The following EFCAB14 variants were observed in gnomAD, a reference collection of about 807,000 sequenced individuals.
EFCAB14 encodes EF-hand calcium-binding domain-containing protein 14.
Under a neutral mutation model 56.5 loss-of-function variants are expected in EFCAB14, and 43 were observed. The observed-to-expected ratio is 0.76, with a 90% confidence interval of 0.60 to 0.98. EFCAB14 has a LOEUF of 0.98. EFCAB14 is among the 50% of genes least tolerant of loss of function. The probability of loss-of-function intolerance (pLI) is 0.00; values close to 1 mark genes in which losing one functional copy is unlikely to be tolerated. For missense variants in EFCAB14, 538 were observed against 580.3 expected, an observed-to-expected ratio of 0.93 and a Z score of 0.75; for synonymous variants, 235 against 212.9, an observed-to-expected ratio of 1.10 and a Z score of -0.90.
At chr1:46,695,562 C>A (rs193217598) in intron 4 of EFCAB14, among the ~76,000 whole-genome samples, 1 of 152,306 alleles carries the variant, frequency 6.6e-6, no homozygotes, top group African/African-American at 2.4e-5. Flanking sequence ...AAACTTAGCA[C>A]ATATTTTTAT....
chr1:46,697,809 T>A (rs1346913773), intron 3 of EFCAB14, among the ~76,000 whole-genome samples: 1 of 151,890 alleles, frequency 6.6e-6, no homozygotes, highest in Non-Finnish European at 1.5e-5. Context: ...AGAAATCAGA[T>A]TGTAATAAGT....
chr1:46,684,753 G>A (rs1232620945), intron 8 of EFCAB14, 151 bp from the exon 9 acceptor site: 1 of 631,514 alleles, frequency 1.6e-6, no homozygotes, highest in African/African-American at 1.8e-5. Context: ...ACATATACTG[G>A]TGATGTCTTT....
intron 4 of EFCAB14, among the ~76,000 whole-genome samples, chr1:46,693,527 T>C (rs1378458010): frequency 1.3e-5 from 2 of 152,134 alleles, no homozygotes; most frequent in Non-Finnish European, 2.9e-5. Flanking sequence ...TAAGCTGGTT[T>C]GCTATCTATG....
chr1:46,702,477 T>C (rs1217572433), intron 3 of EFCAB14, among the ~76,000 whole-genome samples: 1 of 152,060 alleles, frequency 6.6e-6, no homozygotes, highest in Non-Finnish European at 1.5e-5. Flanking sequence ...TATTTTACTT[T>C]TAGTATTGCT....
Position 46,687,471 on chromosome 1 carries a change from T to C in EFCAB14, c.988-601A>G, listed in dbSNP as rs1182403496. 8.5e-5 allele frequency among the ~76,000 whole-genome samples: 13 copies of C among 152,324 alleles called. No individual in the cohort carries two copies. In the East Asian group the frequency reaches 2.5e-3, roughly 29 times the overall value. On this transcript the variant is annotated intron_variant, in intron 7 of 10. Transcript: ENST00000371933. Reference sequence around the variant, plus strand: ...CCTTCAAAGCCAAGTCCAGGCAACTTGCCAAGGCTCCACTGTGGCAGAGCC... The same window carrying C: ...CCTTCAAAGCCAAGTCCAGGCAACTCGCCAAGGCTCCACTGTGGCAGAGCC...
At chr1:46,684,380 C>A in intron 9 of EFCAB14, 111 bp downstream of exon 9, 1 of 811,538 alleles carries the variant, frequency 1.2e-6, no homozygotes, top group Admixed American at 2.3e-5. Context: ...TGCGTTCAGG[C>A]ATCACTCGCT....
At chr1:46,700,980 T>A (rs2165314) in intron 3 of EFCAB14, among the ~76,000 whole-genome samples, 7,940 of 106,062 alleles carry the variant, frequency 0.075, 286 homozygotes, top group South Asian at 0.21. Flanking sequence ...AGAGAGAGAG[T>A]GAGTGAGTGT....
At chr1:46,685,669 T>C (rs1327041606) in intron 8 of EFCAB14, among the ~76,000 whole-genome samples, 1 of 152,232 alleles carries the variant, frequency 6.6e-6, no homozygotes, top group Non-Finnish European at 1.5e-5. Flanking sequence ...AAAGCCAAGA[T>C]GAAATTTATG....
chr1:46,695,459 T>C (rs1390857136), intron 4 of EFCAB14, among the ~76,000 whole-genome samples: 1 of 152,152 alleles, frequency 6.6e-6, no homozygotes, highest in Non-Finnish European at 1.5e-5. Context: ...GGCTATAAAA[T>C]AGCAAATTTT....
At chr1:46,702,980 A>C (rs1015497671) in intron 3 of EFCAB14, among the ~76,000 whole-genome samples, 4 of 152,342 alleles carry the variant, frequency 2.6e-5, no homozygotes, top group African/African-American at 9.6e-5. Flanking sequence ...ATACTTTTGC[A>C]CATATAGTCA....
chr1:46,686,294 C>T (rs1676880117), intron 8 of EFCAB14, among the ~76,000 whole-genome samples: 1 of 152,130 alleles, frequency 6.6e-6, no homozygotes, highest in Admixed American at 6.6e-5. Flanking sequence ...ATAGAGATTG[C>T]AATACAAAAA....
At chr1:46,716,059 C>T (rs1677384100) in intron 2 of EFCAB14, among the ~76,000 whole-genome samples, 1 of 151,580 alleles carries the variant, frequency 6.6e-6, no homozygotes, top group African/African-American at 2.4e-5. Flanking sequence ...ACCAGCCTGG[C>T]CAACATGGTG....
chr1:46,697,761 C>T (rs1677096819), intron 3 of EFCAB14, among the ~76,000 whole-genome samples: 1 of 151,968 alleles, frequency 6.6e-6, no homozygotes, highest in African/African-American at 2.4e-5. Context: ...TCTCATGGAG[C>T]ATACATCCTA....
rs1283980367 is a variant in EFCAB14, at chr1:46,676,385, A to G, written c.*2076T>C. On this transcript the variant is annotated 3_prime_UTR_variant, in exon 11 of 11. Coordinates refer to ENST00000371933, the MANE Select transcript of EFCAB14 (RefSeq NM_014774.3). ...ATGTATAGTTATCTGATGCAAGGGA[A>G]AATACACACAACAAAGAGTTAAGGT... 1 of 152,490 alleles carries G rather than the reference A, an allele frequency of 6.6e-6. No individual in the cohort carries two copies. The highest frequency in any genetic ancestry group is 1.9e-4 in the East Asian group (1 of 5,202). 9.4% of individuals were successfully genotyped at this position (152,490 alleles called of 1,614,324 possible).
chr1:46,679,842 A>G (rs1270836531), intron 10 of EFCAB14, among the ~76,000 whole-genome samples: 1 of 151,596 alleles, frequency 6.6e-6, no homozygotes, highest in Admixed American at 6.6e-5. Flanking sequence ...CCTAGCCTCA[A>G]ATGATCTGCC....
chr1:46,713,880 A>G (rs945930113), intron 2 of EFCAB14, among the ~76,000 whole-genome samples: 2 of 152,182 alleles, frequency 1.3e-5, no homozygotes, highest in Non-Finnish European at 2.9e-5. Context: ...CAAAGGAAAA[A>G]TTGGCCTCAG....
chr1:46,716,316 G>A lies in EFCAB14; in HGVS notation c.313C>T (p.Leu105Phe), dbSNP rs887866858. The change falls in exon 2 of 11, where the codon CTC (leucine) becomes TTC (phenylalanine). Residue 105 changes from leucine to phenylalanine, a missense_variant. Transcript: ENST00000371933. ...TTACTTGTTCGAAATTTTTCCTTGA[G>A]GGCATCCAGATCCTCCTTGAGAGCA... ...QVALKEDLDA[L>F]KEKFRTMESN... The A allele has an allele frequency of 1.2e-5, 20 of 1,611,166 alleles. No homozygotes were observed. Among genetic ancestry groups the A allele is most frequent in the Non-Finnish European group, 1.7e-5 (20 of 1,179,334 alleles).
At chr1:46,703,589 T>C (rs1677191783) in intron 3 of EFCAB14, among the ~76,000 whole-genome samples, 1 of 152,162 alleles carries the variant, frequency 6.6e-6, no homozygotes, top group Non-Finnish European at 1.5e-5. Context: ...ATAGGGAACA[T>C]CACAGTCTCC....
At chr1:46,691,141 C>T (rs970913419) in intron 5 of EFCAB14, among the ~76,000 whole-genome samples, 2 of 152,168 alleles carry the variant, frequency 1.3e-5, no homozygotes, top group African/African-American at 4.8e-5. Context: ...ACTAAGTGAT[C>T]CAGAGATATT....
Sources: gnomAD v4.1 joint callset for allele counts (sites outside exome capture counted in the v4.1 genomes callset) on GRCh38, gnomAD v4.1.1 for gene constraint, MANE v1.5 for transcripts, NCBI Gene and HGNC (gene_info 2026-07-23, HGNC 2026-07-21) for gene names.